Variants in PCSK5 observed in about 807,000 individuals in gnomAD.
PCSK5 encodes the protein prohormone convertase 5.
Under a neutral mutation model 233.2 loss-of-function variants are expected in PCSK5, and 129 were observed. The ratio of observed to expected loss-of-function variants is 0.55; its 90% confidence interval spans 0.48 to 0.64. PCSK5 has a LOEUF of 0.64. Ranked by LOEUF, PCSK5 falls within the 30% of genes least tolerant of loss-of-function variation. The pLI is 0.00. For synonymous variants in PCSK5, 825 were observed against 879.2 expected (o/e 0.94, Z 1.09); for missense variants, 2,076 against 2,430.1 (o/e 0.85, Z 3.06).
chr9:76,325,242 C>T (rs764566298), intron 32 of PCSK5, among the ~76,000 whole-genome samples: 15 of 152,070 alleles, frequency 9.9e-5, no homozygotes, highest in African/African-American at 2.9e-4. Context: ...CTTGCCTCTG[C>T]GAGGGCAGGA....
intron 3 of PCSK5, among the ~76,000 whole-genome samples, chr9:75,999,560 G>A (rs1401495146): frequency 1.3e-5 from 2 of 152,268 alleles, no homozygotes; most frequent in Non-Finnish European, 2.9e-5. Flanking sequence ...GCAGGAACAT[G>A]CCCTTAAGGC....
At chr9:75,969,033 G>C (rs12001522) in intron 2 of PCSK5, among the ~76,000 whole-genome samples, 1 of 151,460 alleles carries the variant, frequency 6.6e-6, no homozygotes, top group Non-Finnish European at 1.5e-5. Flanking sequence ...CCTCTATGGC[G>C]GGGGGTGGGG....
At chr9:76,182,853 C>T (rs999876665) in intron 16 of PCSK5, among the ~76,000 whole-genome samples, 1 of 152,122 alleles carries the variant, frequency 6.6e-6, no homozygotes, top group African/African-American at 2.4e-5. Flanking sequence ...TTTAAAAGAA[C>T]AAGAGTTATT....
intron 10 of PCSK5, among the ~76,000 whole-genome samples, chr9:76,148,695 T>G (rs146592903): frequency 0.01 from 1,564 of 152,310 alleles, 23 homozygotes; most frequent in African/African-American, 0.035. Context: ...ATTGCAAAAC[T>G]CCATTGCTTC....
chr9:76,164,590 G>A (rs190252244), intron 12 of PCSK5, among the ~76,000 whole-genome samples: 5 of 152,208 alleles, frequency 3.3e-5, no homozygotes, highest in South Asian at 2.1e-4. Flanking sequence ...ATCAGTCTGC[G>A]GTGAGGTCCA....
intron 20 of PCSK5, among the ~76,000 whole-genome samples, chr9:76,218,339 T>A (rs1288369386): frequency 6.6e-6 from 1 of 152,166 alleles, no homozygotes; most frequent in Admixed American, 6.5e-5. Context: ...CTTTGCAAGG[T>A]CATTGTGCTT....
intron 1 of PCSK5, among the ~76,000 whole-genome samples, chr9:75,893,769 A>G (rs192716184): frequency 4.8e-4 from 73 of 152,362 alleles, no homozygotes; most frequent in African/African-American, 1.7e-3. Context: ...TTGTGGTTTT[A>G]CAGCGCCAAT....
chr9:76,198,720 C>G (rs1824795812), intron 20 of PCSK5, among the ~76,000 whole-genome samples: 1 of 152,122 alleles, frequency 6.6e-6, no homozygotes, highest in Non-Finnish European at 1.5e-5. Context: ...TTATTGAGTC[C>G]CCGCCACAAA....
chr9:76,359,887 GA>G lies in PCSK5; in HGVS notation c.*976del, dbSNP rs993531675. 619 of 147,174 alleles carry G rather than the reference GA, an allele frequency of 4.2e-3. 7 individuals are homozygous for G. Among genetic ancestry groups the G allele is most frequent in the African/African-American group, 0.014 (548 of 40,346 alleles). 9.1% of individuals were successfully genotyped at this position (147,174 alleles called of 1,614,324 possible). The stretch of plus-strand genomic sequence containing the variant: ...AAGAGTTGGAATAGAGTCTAACATG[GA>G]AAAAAAAAAATCCCAATATGCTGCT... On this transcript the variant is annotated 3_prime_UTR_variant, in exon 38 of 38. Coordinates refer to ENST00000674117, the MANE Select transcript of PCSK5 (RefSeq NM_001372043.1).
chr9:75,975,500 CTT>C (rs1056456407), intron 2 of PCSK5, among the ~76,000 whole-genome samples: 1 of 152,084 alleles, frequency 6.6e-6, no homozygotes, highest in Non-Finnish European at 1.5e-5. Context: ...GCATTTGCCT[CTT>C]TTTTATACTA....
chr9:76,035,731 G>A (rs974129795), intron 5 of PCSK5, among the ~76,000 whole-genome samples: 1 of 152,134 alleles, frequency 6.6e-6, no homozygotes, highest in African/African-American at 2.4e-5. Flanking sequence ...CAAGACAGGT[G>A]TATTTAATTA....
intron 7 of PCSK5, among the ~76,000 whole-genome samples, chr9:76,080,728 T>C (rs1406280051): frequency 1.3e-5 from 2 of 152,228 alleles, no homozygotes; most frequent in African/African-American, 4.8e-5. Context: ...TGGAGCTAAA[T>C]GCTAGTAAAT....
At chr9:76,058,857 CTT>C (rs1181968138) in intron 5 of PCSK5, among the ~76,000 whole-genome samples, 1 of 151,916 alleles carries the variant, frequency 6.6e-6, no homozygotes, top group Non-Finnish European at 1.5e-5. Context: ...CAAAATGAAA[CTT>C]TTAAGCCAGA....
intron 24 of PCSK5, among the ~76,000 whole-genome samples, chr9:76,266,541 C>T (rs1327705360): frequency 6.6e-6 from 1 of 152,150 alleles, no homozygotes; most frequent in Non-Finnish European, 1.5e-5. Flanking sequence ...GAAATTGTGT[C>T]CTGATCCCCT....
In PCSK5 at chr9:75,891,252, G is replaced by A. The variant is rs777258800; in HGVS notation, c.71G>A (p.Gly24Asp). 6.5e-7 allele frequency: 1 copy of A among 1,527,306 alleles called. No homozygotes were observed. Among genetic ancestry groups the A allele is most frequent in the Non-Finnish European group, 8.7e-7 (1 of 1,147,158 alleles). 94.6% of individuals were successfully genotyped at this position (1,527,306 alleles called of 1,614,324 possible). The change falls in exon 1 of 38, where the codon GGC becomes GAC. Residue 24 changes from glycine to aspartate, a missense_variant. Gly to Asp is a moderately conservative substitution (Grantham distance 94). Transcript: ENST00000674117. ...CTGTGCGTGCTGGCGCTGCTCGGGG[G>A]CTGCCTGCTCCCCGTGTGTCGGACG... is the stretch of plus-strand genomic sequence containing the variant. ...DLLCVLALLG[G>D]CLLPVCRTRV...
In PCSK5 at chr9:75,907,906, A is replaced by G. The variant is rs1460330483; in HGVS notation, c.192+16533A>G. Among the ~76,000 whole-genome samples, 3 of 152,250 alleles carry G rather than the reference A, an allele frequency of 2.0e-5. No homozygotes were observed. The East Asian group carries it at 5.8e-4, about 29-fold the overall frequency. On this transcript the variant is annotated intron_variant, in intron 1 of 37. Transcript: ENST00000674117. ...AGGTCCTAAAAGAAGGGTCCTCTGT[A>G]TAAAATAAGCTGTACACTCTTGTGA...
intron 1 of PCSK5, among the ~76,000 whole-genome samples, chr9:75,926,085 G>C (rs546193590): frequency 9.2e-5 from 14 of 152,126 alleles, no homozygotes; most frequent in Admixed American, 8.5e-4. Context: ...ACACATTCCA[G>C]CTCCACATCA....
At chr9:75,937,340 G>C (rs572948064) in intron 2 of PCSK5, among the ~76,000 whole-genome samples, 1 of 151,990 alleles carries the variant, frequency 6.6e-6, no homozygotes, top group African/African-American at 2.4e-5. Flanking sequence ...CACTATGCCT[G>C]GCTAATTTTT....
At chr9:76,282,120 CTTTTT>C (rs71372059) in intron 24 of PCSK5, among the ~76,000 whole-genome samples, 3 of 14,510 alleles carry the variant, frequency 2.1e-4, no homozygotes, top group South Asian at 7.9e-3. Context: ...CTTTTCTTTG[CTTTTT>C]TTTTTTTTTT....
Sources: allele counts gnomAD v4.1 joint callset (sites outside exome capture counted in the v4.1 genomes callset), GRCh38; gene constraint gnomAD v4.1.1; transcripts MANE v1.5; gene names NCBI Gene and HGNC (gene_info 2026-07-23, HGNC 2026-07-21).